PHIP: variants seen among roughly 807,000 people sequenced by gnomAD.
PHIP encodes the protein PHIP subunit of CUL4-Ring ligase complex.
Under a neutral mutation model 236.8 loss-of-function variants are expected in PHIP, and 54 were observed. The ratio of observed to expected loss-of-function variants is 0.23; its 90% CI spans 0.18 to 0.29. The LOEUF (loss-of-function observed/expected upper bound fraction) is 0.29, where lower values mean the gene tolerates loss of function less well. Ranked by LOEUF, PHIP falls within the 10% of genes least tolerant of loss-of-function variation. PHIP has a pLI of 1.00. For missense variants in PHIP, 1,370 were observed against 2,190.8 expected (o/e 0.63, Z 7.48); for synonymous variants, 756 against 718.9 (o/e 1.05, Z -0.83).
intron 20 of PHIP, among the ~76,000 whole-genome samples, chr6:78,990,367 A>C (rs1769150907): frequency 1.3e-5 from 2 of 152,238 alleles, no homozygotes; most frequent in African/African-American, 4.8e-5. Flanking sequence ...TACTGGGTGC[A>C]ACAGTTTTTC....
intron 4 of PHIP, among the ~76,000 whole-genome samples, chr6:79,077,166 T>C (rs936933419): frequency 2.6e-5 from 4 of 151,408 alleles, no homozygotes; most frequent in Admixed American, 6.6e-5. Flanking sequence ...CGGCCCCTCC[T>C]CCTCCGGCCT....
chr6:79,030,141 A>AAAAAC (rs1229110721), intron 7 of PHIP, among the ~76,000 whole-genome samples: 3 of 152,204 alleles, frequency 2.0e-5, no homozygotes, highest in Non-Finnish European at 4.4e-5. Flanking sequence ...TAACCTCAGC[A>AAAAAC]AAAACAAAAC....
At chr6:78,955,737 C>A in intron 32 of PHIP, 55 bp from the exon 33 acceptor site, 2 of 649,480 alleles carry the variant, frequency 3.1e-6, no homozygotes, top group South Asian at 2.2e-5. Flanking sequence ...AATTTTTTTC[C>A]TTAAAAATTT....
intron 39 of PHIP, among the ~76,000 whole-genome samples, chr6:78,943,980 T>C (rs1562112045): frequency 1.2e-5 from 1 of 83,638 alleles, no homozygotes; most frequent in Non-Finnish European, 2.4e-5. Context: ...AGCAAGATCC[T>C]GTCTTTTTTT....
intron 24 of PHIP, among the ~76,000 whole-genome samples, chr6:78,973,995 G>A (rs895638193): frequency 6.6e-6 from 1 of 152,070 alleles, no homozygotes; most frequent in Non-Finnish European, 1.5e-5. Flanking sequence ...AGGATACCCA[G>A]GAATTGAACT....
intron 19 of PHIP, among the ~76,000 whole-genome samples, chr6:78,993,717 A>T (rs991249656): frequency 1.3e-5 from 2 of 152,204 alleles, no homozygotes; most frequent in Non-Finnish European, 2.9e-5. Context: ...ATTACTGTTC[A>T]TTGACAATGC....
At chr6:79,067,831 A>G (rs1170445156) in intron 4 of PHIP, 2 of 152,884 alleles carry the variant, frequency 1.3e-5, no homozygotes, top group Admixed American at 6.5e-5. Context: ...TCACATATAT[A>G]AAGTATTTCT....
At chr6:78,976,106 A>C (rs909793982) in intron 24 of PHIP, among the ~76,000 whole-genome samples, 1 of 150,406 alleles carries the variant, frequency 6.6e-6, no homozygotes, top group African/African-American at 2.4e-5. Context: ...GAGGCATCAC[A>C]CTACCTGACT....
intron 4 of PHIP, 87 bp downstream of exon 4, chr6:79,077,360 GT>G: frequency 2.4e-6 from 3 of 1,267,886 alleles, no homozygotes; most frequent in Admixed American, 1.7e-5. Context: ...CTAGGGCCAA[GT>G]TTTTGTCTCT....
intron 24 of PHIP, among the ~76,000 whole-genome samples, chr6:78,972,855 G>A (rs1467469923): frequency 1.3e-5 from 2 of 152,156 alleles, no homozygotes; most frequent in Admixed American, 6.5e-5. Flanking sequence ...AATGAGCAAA[G>A]CCTCCAAGAA....
At chr6:79,026,318 C>G (rs1771397594) in intron 7 of PHIP, among the ~76,000 whole-genome samples, 154 bp from the exon 8 acceptor site, 1 of 152,146 alleles carries the variant, frequency 6.6e-6, no homozygotes, top group Non-Finnish European at 1.5e-5. Context: ...ACACAAAGCT[C>G]TTTATTAAAC....
chr6:79,035,964 C>T (rs112895199), intron 7 of PHIP, among the ~76,000 whole-genome samples: 3,481 of 152,220 alleles, frequency 0.023, 130 homozygotes, highest in African/African-American at 0.079. Context: ...ATGACCAACC[C>T]GGTGTCAATC....
chr6:79,043,729 T>C (rs186244813), intron 6 of PHIP, among the ~76,000 whole-genome samples: 1 of 149,444 alleles, frequency 6.7e-6, no homozygotes, highest in Non-Finnish European at 1.5e-5. Flanking sequence ...TGTACTTATT[T>C]TCTATACTGG....
At chr6:79,054,509 G>A (rs1582293696) in intron 6 of PHIP, among the ~76,000 whole-genome samples, 1 of 151,324 alleles carries the variant, frequency 6.6e-6, no homozygotes, top group Admixed American at 6.6e-5. Flanking sequence ...AGTATGGATT[G>A]AGTAAGAAAA....
chr6:79,025,259 A>G (rs1183806626), intron 9 of PHIP, among the ~76,000 whole-genome samples: 2 of 152,182 alleles, frequency 1.3e-5, no homozygotes, highest in Admixed American at 6.5e-5. Context: ...AGGAGTGGTA[A>G]TAAAACAGGT....
chr6:79,058,314 G>A (rs985684304), intron 6 of PHIP, among the ~76,000 whole-genome samples: 3 of 151,920 alleles, frequency 2.0e-5, no homozygotes, highest in Non-Finnish European at 4.4e-5. Flanking sequence ...CATCCACTAC[G>A]GATCTCAGAA....
At chr6:79,039,878 G>C (rs1482104120) in intron 7 of PHIP, among the ~76,000 whole-genome samples, 8 of 152,096 alleles carry the variant, frequency 5.3e-5, no homozygotes, top group South Asian at 4.1e-4. Flanking sequence ...TGGCAATTAT[G>C]CTATTTCCCT....
intron 4 of PHIP, among the ~76,000 whole-genome samples, chr6:79,076,345 A>G (rs1345865896): frequency 6.6e-6 from 1 of 152,244 alleles, no homozygotes; most frequent in Non-Finnish European, 1.5e-5. Flanking sequence ...AACTATCTCA[A>G]AACAGTTACA....
chr6:78,983,338 A>G (rs1768665549), intron 22 of PHIP, among the ~76,000 whole-genome samples: 1 of 152,190 alleles, frequency 6.6e-6, no homozygotes, highest in Non-Finnish European at 1.5e-5. Flanking sequence ...CTGAAGATAC[A>G]TAAAGTCACA....
Sources: allele counts gnomAD v4.1 joint callset (sites outside exome capture counted in the v4.1 genomes callset), GRCh38; gene constraint gnomAD v4.1.1; transcripts MANE v1.5; gene names NCBI Gene and HGNC (gene_info 2026-07-23, HGNC 2026-07-21).